EED: variants seen among roughly 807,000 people sequenced by gnomAD.
EED encodes polycomb protein EED.
In EED, 9 loss-of-function variants were observed where a neutral mutation model predicts 61.0. That is an observed-to-expected ratio of 0.15 (90% CI 0.09 to 0.26). EED has a LOEUF of 0.26. Among genes scored for constraint, EED ranks in the 10% least tolerant of loss-of-function variants. The probability of loss-of-function intolerance (pLI) is 1.00; values close to 1 mark genes in which losing one functional copy is unlikely to be tolerated. For synonymous variants in EED, 187 were observed against 174.4 expected (o/e 1.07, Z -0.57); for missense variants, 315 against 542.3 (o/e 0.58, Z 4.16).
rs1946082243 is a variant in EED at position 86,270,233 on chromosome 11, TC to T, written c.966+1675del. The T allele has an allele frequency of 5.1e-6, 3 of 590,192 alleles. No homozygotes were observed. The Admixed American group carries it at 7.5e-5, about 15-fold the overall frequency. The allele number at this position is 590,192 out of a possible 1,614,324, so 36.6% of individuals were successfully genotyped here. ...TCTCATCGTGGTCTTAATTTGCATT[TC>T]CCTGATGGCTAGTGATGTTGAACAT... On this transcript the variant is annotated intron_variant, in intron 9 of 11. Transcript: ENST00000263360.
chr11:86,274,673 C>T (rs776127626), intron 9 of EED, among the ~76,000 whole-genome samples: 3 of 152,154 alleles, frequency 2.0e-5, no homozygotes, highest in Non-Finnish European at 2.9e-5. Context: ...TGGGAAGGGC[C>T]AGGATGCCTA....
At chr11:86,272,971 A>G (rs879370252) in intron 9 of EED, among the ~76,000 whole-genome samples, 5 of 151,944 alleles carry the variant, frequency 3.3e-5, no homozygotes, top group Non-Finnish European at 7.4e-5. Context: ...TTAGAATTCC[A>G]TTTTTATTTC....
chr11:86,253,032 G>A (rs1405289348), intron 3 of EED, among the ~76,000 whole-genome samples: 2 of 152,168 alleles, frequency 1.3e-5, no homozygotes, highest in African/African-American at 2.4e-5. Context: ...GCAGTCATGA[G>A]CCACCATGTC....
rs894706902 is a variant in EED at position 86,245,107 on chromosome 11, G to C, written c.-123G>C. 2.9e-5 allele frequency: 20 copies of C among 683,064 alleles called. No homozygotes were observed. The highest frequency in any genetic ancestry group is 4.1e-4 in the Middle Eastern group (1 of 2,434). The allele number at this position is 683,064 out of a possible 1,614,324, so 42.3% of individuals were successfully genotyped here. A position where few individuals can be genotyped will look rare whatever the true frequency, so the allele number is the denominator to read the frequency against. On this transcript the variant is annotated 5_prime_UTR_variant, in exon 1 of 12. Coordinates refer to ENST00000263360, the MANE Select transcript of EED (RefSeq NM_003797.5). ...GCTGGGCGCGATTTGCGACAGTGGG[G>C]GGGGCGGTGGAGGTGGCGGCGGCAG...
At chr11:86,284,224 G>A in the EED span, 3 of 152,276 alleles carry the variant, frequency 2.0e-5, no homozygotes, top group African/African-American at 4.8e-5. Flanking sequence ...CCACACCAAT[G>A]TGAAGGACAG....
At chr11:86,264,347 T>C (rs1945918969) in intron 7 of EED, 84 bp downstream of exon 7, 1 of 926,598 alleles carries the variant, frequency 1.1e-6, no homozygotes, top group African/African-American at 1.6e-5. Context: ...TATAAGAAAG[T>C]GTGTTTCATG....
chr11:86,256,180 CAA>C (rs1163597438), intron 4 of EED, among the ~76,000 whole-genome samples: 1 of 152,096 alleles, frequency 6.6e-6, no homozygotes, highest in African/African-American at 2.4e-5. Flanking sequence ...AAAGAGTAAA[CAA>C]AATTGAGTGG....
At chr11:86,274,697 C>A (rs7105455) in intron 9 of EED, among the ~76,000 whole-genome samples, 2 of 152,150 alleles carry the variant, frequency 1.3e-5, no homozygotes, top group Middle Eastern at 3.2e-3. Context: ...ACTGCCCCCC[C>A]TAGTGGTCTC....
chr11:86,261,797 G>T (rs1454309860), intron 6 of EED, among the ~76,000 whole-genome samples: 1 of 152,216 alleles, frequency 6.6e-6, no homozygotes, highest in Admixed American at 6.5e-5. Flanking sequence ...TGACCAAAGA[G>T]CACTGCCTTG....
chr11:86,278,240 T>C (rs1946276791), intron 11 of EED, 159 bp from the exon 12 acceptor site: 2 of 1,341,806 alleles, frequency 1.5e-6, no homozygotes, highest in Non-Finnish European at 9.6e-7. Flanking sequence ...TATCTAAATT[T>C]TATAAAATTT....
At chr11:86,262,746 A>C (rs1945865588) in intron 6 of EED, among the ~76,000 whole-genome samples, 1 of 150,784 alleles carries the variant, frequency 6.6e-6, no homozygotes, top group African/African-American at 2.4e-5. Flanking sequence ...CCTGAGCTCA[A>C]GTGTCCACCC....
downstream of EED, among the ~76,000 whole-genome samples, chr11:86,282,180 T>G (rs1411055423): frequency 6.6e-6 from 1 of 152,220 alleles, no homozygotes; most frequent in Non-Finnish European, 1.5e-5. Flanking sequence ...AAACAAAATA[T>G]CAATACCATG....
At chr11:86,274,179 T>C (rs1489352251) in intron 9 of EED, among the ~76,000 whole-genome samples, 1 of 152,026 alleles carries the variant, frequency 6.6e-6, no homozygotes, top group African/African-American at 2.4e-5. Flanking sequence ...CTCTTCTCTT[T>C]TGATATTGAG....
intron 1 of EED, among the ~76,000 whole-genome samples, chr11:86,247,363 G>A (rs925979651): frequency 3.0e-4 from 46 of 152,126 alleles, no homozygotes; most frequent in African/African-American, 9.4e-4. Context: ...TTATAAAATT[G>A]TACACCATGT....
chr11:86,278,712 G>T lies in EED; in HGVS notation c.*187G>T. On this transcript the variant is annotated 3_prime_UTR_variant, in exon 12 of 12. Coordinates refer to ENST00000263360, the MANE Select transcript of EED (RefSeq NM_003797.5). The stretch of plus-strand genomic sequence containing the variant: ...ACTGTCTTCCTGCTCAGACTCTACT[G>T]CTTTTAATAAAAATTTATTTTTGTA... 2 of 640,236 alleles carry T rather than the reference G, an allele frequency of 3.1e-6. No homozygotes were observed. Among genetic ancestry groups the T allele is most frequent in the Non-Finnish European group, 2.2e-6 (1 of 446,524 alleles). The allele number at this position is 640,236 out of a possible 1,614,324, so 39.7% of individuals were successfully genotyped here. A position where few individuals can be genotyped will look rare whatever the true frequency, so the allele number is the denominator to read the frequency against.
At chr11:86,268,593 T>TAGTG in intron 9 of EED, 32 bp downstream of exon 9, 2 of 944,574 alleles carry the variant, frequency 2.1e-6, no homozygotes, top group Non-Finnish European at 1.6e-6. Context: ...TGTACTTCCA[T>TAGTG]CGTGTGTGTG....
intron 3 of EED, among the ~76,000 whole-genome samples, chr11:86,253,358 C>T (rs1945584070): frequency 6.6e-6 from 1 of 152,132 alleles, no homozygotes; most frequent in African/African-American, 2.4e-5. Flanking sequence ...TTTGAGTCCA[C>T]TTTTAAGACA....
At chr11:86,261,167 T>C (rs1331841445) in intron 6 of EED, among the ~76,000 whole-genome samples, 3 of 152,216 alleles carry the variant, frequency 2.0e-5, no homozygotes, top group Admixed American at 6.5e-5. Flanking sequence ...TCTGTGGGTC[T>C]GGGAAATCAG....
At chr11:86,284,287 G>C in the EED span, 1 of 152,044 alleles carries the variant, frequency 6.6e-6, no homozygotes, top group Non-Finnish European at 1.5e-5. Context: ...ACCAAGGGTG[G>C]CATCCCTACA....
Sources: gnomAD v4.1 joint callset for allele counts (sites outside exome capture counted in the v4.1 genomes callset) on GRCh38, gnomAD v4.1.1 for gene constraint, MANE v1.5 for transcripts, NCBI Gene and HGNC (gene_info 2026-07-23, HGNC 2026-07-21) for gene names.